The following COL22A1 variants were observed in gnomAD, a reference collection of about 807,000 sequenced individuals.
COL22A1 encodes the protein collagen type XXII alpha 1 chain.
In COL22A1, 221 loss-of-function variants were observed where a neutral mutation model predicts 248.9. That is an observed-to-expected ratio of 0.89 (90% CI 0.80 to 0.99). COL22A1 has a LOEUF of 0.99. COL22A1 is among the 50% of genes least tolerant of loss of function. The probability of loss-of-function intolerance (pLI) is 0.00; values close to 1 mark genes in which losing one functional copy is unlikely to be tolerated. For synonymous variants in COL22A1, 891 were observed against 793.4 expected, an observed-to-expected ratio of 1.12 and a Z score of -2.07; for missense variants, 2,240 against 2,179.0, an observed-to-expected ratio of 1.03 and a Z score of -0.56.
chr8:138,620,452 C>T (rs1404485881), intron 52 of COL22A1: 2 of 152,166 alleles, frequency 1.3e-5, no homozygotes, highest in South Asian at 2.1e-4. Flanking sequence ...GGCCTAAAGC[C>T]CTGACTTCCA....
intron 16 of COL22A1, among the ~76,000 whole-genome samples, chr8:138,764,637 C>G (rs1283473146): frequency 4.6e-5 from 7 of 152,264 alleles, no homozygotes; most frequent in Non-Finnish European, 1.0e-4. Flanking sequence ...TTGATGTACA[C>G]TTGTATTTTC....
chr8:138,720,292 G>C (rs1429201859), intron 27 of COL22A1, among the ~76,000 whole-genome samples: 2 of 152,164 alleles, frequency 1.3e-5, no homozygotes, highest in African/African-American at 4.8e-5. Flanking sequence ...AAGGGATTAG[G>C]AAGCATCGCA....
chr8:138,889,438 T>C (rs564372573), intron 1 of COL22A1, among the ~76,000 whole-genome samples: 29 of 152,308 alleles, frequency 1.9e-4, no homozygotes, highest in African/African-American at 6.0e-4. Flanking sequence ...TTGGAAATCA[T>C]CATTCTCAGT....
intron 40 of COL22A1, among the ~76,000 whole-genome samples, chr8:138,678,938 CA>C (rs770396067): frequency 2.6e-5 from 4 of 152,136 alleles, no homozygotes; most frequent in Non-Finnish European, 5.9e-5. Flanking sequence ...ATTTTTGAGA[CA>C]AGGTCTTGCT....
At chr8:138,887,069 C>T (rs1336890758) in intron 1 of COL22A1, among the ~76,000 whole-genome samples, 4 of 152,260 alleles carry the variant, frequency 2.6e-5, no homozygotes, top group East Asian at 1.9e-4. Context: ...AATCCAACTA[C>T]ACTCTTTATT....
chr8:138,806,158 G>GTT lies in COL22A1; in HGVS notation c.1494+1609_1494+1610insAA, dbSNP rs1817692911. The stretch of plus-strand genomic sequence containing the variant: ...TGTGGTGGTGTGTGTGTGATGGTGT[G>GTT]TGTGTGTGATGGTGTAAGTAATGGT... On this transcript the variant is annotated intron_variant, in intron 10 of 64. Coordinates refer to ENST00000303045, the MANE Select transcript of COL22A1 (RefSeq NM_152888.3). Among the ~76,000 whole-genome samples, 47 of 126,360 alleles carry GTT rather than the reference G, an allele frequency of 3.7e-4. 8 individuals are homozygous for GTT. Among genetic ancestry groups the GTT allele is most frequent in the Admixed American group, 4.5e-4 (6 of 13,390 alleles). The allele number at this position is 126,360 out of a possible 152,430, so 82.9% of individuals were successfully genotyped here.
Position 138,640,240 on chromosome 8 carries a change from T to C in COL22A1, c.3502-3445A>G, listed in dbSNP as rs1022359183. ...GAGATTTTGTTTTTAATTACATTTT[T>C]CCAGAACCATCATGTGCTAAGCACA... is the stretch of plus-strand genomic sequence containing the variant. On this transcript the variant is annotated intron_variant, in intron 47 of 64. Transcript: ENST00000303045. Among the ~76,000 whole-genome samples, 9 of 152,334 alleles carry C rather than the reference T, an allele frequency of 5.9e-5. No individual in the cohort carries two copies. In the Middle Eastern group the frequency reaches 0.01, roughly 173 times the overall value.
At chr8:138,898,415 C>T (rs952797051) in intron 1 of COL22A1, among the ~76,000 whole-genome samples, 2 of 146,756 alleles carry the variant, frequency 1.4e-5, no homozygotes, top group East Asian at 2.0e-4. Flanking sequence ...TCATACCCTC[C>T]GCCACCACTC....
Position 138,877,987 on chromosome 8 carries a change from C to A in COL22A1, c.421G>T (p.Ala141Ser). The change falls in exon 3 of 65, where the codon GCC becomes TCC. Residue 141 changes from alanine (A) to serine (S), a missense_variant. Coordinates refer to ENST00000303045, the MANE Select transcript of COL22A1 (RefSeq NM_152888.3). ...PHAGGRPRDRAYKQVAILLTD... is the reference protein window; with the variant it reads ...PHAGGRPRDRSYKQVAILLTD... ...AGCAGGATGGCCACCTGCTTGTAGGCGCGGTCCCTGGGGCGGCCGCCGGCG... is the reference window on the plus strand; with the variant it reads ...AGCAGGATGGCCACCTGCTTGTAGGAGCGGTCCCTGGGGCGGCCGCCGGCG... 6.3e-7 allele frequency: 1 copy of A among 1,587,578 alleles called. No homozygotes were observed. Among genetic ancestry groups the A allele is most frequent in the Non-Finnish European group, 8.6e-7 (1 of 1,167,246 alleles).
At chr8:138,784,842 A>G (rs1373013391) in intron 12 of COL22A1, among the ~76,000 whole-genome samples, 2 of 152,178 alleles carry the variant, frequency 1.3e-5, no homozygotes, top group East Asian at 3.8e-4. Context: ...TAATCAGCTG[A>G]TTAGATTAGA....
intron 1 of COL22A1, among the ~76,000 whole-genome samples, chr8:138,904,115 G>A (rs1203295451): frequency 6.6e-6 from 1 of 152,112 alleles, no homozygotes; most frequent in African/African-American, 2.4e-5. Context: ...CCACAGAGAA[G>A]CACTTGTTGC....
chr8:138,808,147 T>C (rs1246849348), intron 9 of COL22A1, among the ~76,000 whole-genome samples: 1 of 151,854 alleles, frequency 6.6e-6, no homozygotes, highest in African/African-American at 2.4e-5. Flanking sequence ...GAAGGCAGAG[T>C]GGTGGCTACC....
chr8:138,618,434 G>C (rs2131925217), intron 53 of COL22A1, among the ~76,000 whole-genome samples: 1 of 152,184 alleles, frequency 6.6e-6, no homozygotes, highest in Non-Finnish European at 1.5e-5. Context: ...GGTTCCATGG[G>C]TTTCCTGGCT....
At chr8:138,650,668 G>T (rs1346885693) in intron 45 of COL22A1, among the ~76,000 whole-genome samples, 1 of 145,238 alleles carries the variant, frequency 6.9e-6, no homozygotes, top group African/African-American at 2.6e-5. Context: ...TCTCAAGAAA[G>T]ATTAGATAGA....
intron 22 of COL22A1, among the ~76,000 whole-genome samples, chr8:138,749,959 C>T (rs539604869): frequency 6.6e-6 from 1 of 152,316 alleles, no homozygotes; most frequent in South Asian, 2.1e-4. Context: ...TTCCCACACA[C>T]TGTGGGAGGA....
chr8:138,656,088 A>C, intron 44 of COL22A1, 144 bp from the exon 45 acceptor site: 1 of 674,336 alleles, frequency 1.5e-6, no homozygotes, highest in Admixed American at 2.7e-5. Context: ...AGCCCAGTGG[A>C]TGTCCCAAGC....
chr8:138,655,771 A>C, intron 45 of COL22A1, 126 bp downstream of exon 45: 1 of 811,838 alleles, frequency 1.2e-6, no homozygotes, highest in South Asian at 1.4e-5. Flanking sequence ...TTGTCAACTA[A>C]TGGCGCTGCT....
chr8:138,828,932 C>G (rs911088786), intron 5 of COL22A1, among the ~76,000 whole-genome samples: 10 of 152,056 alleles, frequency 6.6e-5, no homozygotes, highest in African/African-American at 2.4e-4. Flanking sequence ...GGAGCCCAAT[C>G]CTGCCCTGGG....
At chr8:138,849,995 A>G (rs550499380) in intron 3 of COL22A1, among the ~76,000 whole-genome samples, 1 of 152,302 alleles carries the variant, frequency 6.6e-6, no homozygotes, top group East Asian at 1.9e-4. Context: ...ACTATTATCC[A>G]TATTTTACAG....
Sources: allele counts gnomAD v4.1 joint callset (sites outside exome capture counted in the v4.1 genomes callset), GRCh38; gene constraint gnomAD v4.1.1; transcripts MANE v1.5; gene names NCBI Gene and HGNC (gene_info 2026-07-23, HGNC 2026-07-21).